Variants in TRPM3 observed in about 807,000 individuals in gnomAD.
The protein encoded by TRPM3 is long transient receptor potential channel 3.
TRPM3 carries 77 observed loss-of-function variants against 181.2 expected under a neutral mutation model. The ratio of observed to expected loss-of-function variants is 0.42; its 90% CI spans 0.35 to 0.51. TRPM3 has a LOEUF of 0.51. Among genes scored for constraint, TRPM3 ranks in the 20% least tolerant of loss-of-function variants. The pLI is 0.01. For missense variants in TRPM3, 1,759 were observed against 2,196.7 expected, an observed-to-expected ratio of 0.80 and a Z score of 3.98; for synonymous variants, 745 against 796.4, an observed-to-expected ratio of 0.94 and a Z score of 1.09.
intron 18 of TRPM3, among the ~76,000 whole-genome samples, chr9:70,613,328 C>CT (rs2062260079): frequency 6.6e-6 from 1 of 152,164 alleles, no homozygotes; most frequent in Non-Finnish European, 1.5e-5. Flanking sequence ...GATGTCAAGG[C>CT]TGAGAAAGTT....
intron 19 of TRPM3, among the ~76,000 whole-genome samples, chr9:70,606,651 G>GTGTGTATC (rs145779027): frequency 7.1e-6 from 1 of 140,682 alleles, no homozygotes; most frequent in East Asian, 2.1e-4. Context: ...GTGTGTGTGT[G>GTGTGTATC]TATATATATA....
At chr9:70,542,605 C>T (rs760467566) in intron 25 of TRPM3, among the ~76,000 whole-genome samples, 29 of 152,200 alleles carry the variant, frequency 1.9e-4, no homozygotes, top group Non-Finnish European at 3.8e-4. Flanking sequence ...AACATTTTGG[C>T]TTCCACATGC....
intron 1 of TRPM3, among the ~76,000 whole-genome samples, chr9:71,365,934 T>C (rs2132757444): frequency 6.6e-6 from 1 of 151,774 alleles, no homozygotes; most frequent in African/African-American, 2.4e-5. Context: ...ACATGATAAA[T>C]GACATGAAAC....
At chr9:71,103,642 G>T (rs1383674400) in intron 1 of TRPM3, among the ~76,000 whole-genome samples, 1 of 152,130 alleles carries the variant, frequency 6.6e-6, no homozygotes, top group Non-Finnish European at 1.5e-5. Context: ...GATTAAAGAA[G>T]TAAATGTGGA....
intron 1 of TRPM3, among the ~76,000 whole-genome samples, chr9:71,352,141 G>A (rs905537750): frequency 1.3e-5 from 2 of 152,080 alleles, no homozygotes; most frequent in Non-Finnish European, 2.9e-5. Flanking sequence ...TCCCAAAGTG[G>A]TGGGATTACA....
At chr9:70,700,335 A>G (rs1003409191) in intron 8 of TRPM3, among the ~76,000 whole-genome samples, 10 of 152,110 alleles carry the variant, frequency 6.6e-5, no homozygotes, top group Non-Finnish European at 1.5e-4. Context: ...GGGGAAAGTG[A>G]CAGGTTTATC....
In TRPM3 at chr9:70,625,559, C is replaced by T. The variant is rs766552398; in HGVS notation, c.1633-42G>A. 23 of 1,580,574 alleles carry T rather than the reference C, an allele frequency of 1.5e-5. No homozygotes were observed. Among genetic ancestry groups the T allele is most frequent in the South Asian group, 2.3e-5 (2 of 86,502 alleles). ...AAGTTAAATAAGAAGATGCAGTAATCGTCGGCAATAATAGAAAATCAAAAT... is the reference window on the plus strand; with the variant it reads ...AAGTTAAATAAGAAGATGCAGTAATTGTCGGCAATAATAGAAAATCAAAAT... On this transcript the variant is annotated intron_variant, in intron 12 of 25. Transcript: ENST00000677713. This position sits in a 1 kb window ranked among gnomAD's most constrained non-coding sequence, Gnocchi z 4.8.
chr9:70,752,049 T>TGTGTGTGTGTGC (rs1273744922), intron 8 of TRPM3, among the ~76,000 whole-genome samples: 9 of 116,432 alleles, frequency 7.7e-5, no homozygotes, highest in South Asian at 5.8e-4. Context: ...TGTGTGTGTG[T>TGTGTGTGTGTGC]GCGCGCGCGC....
At chr9:70,643,509 A>G (rs2058379340) in intron 9 of TRPM3, among the ~76,000 whole-genome samples, 1 of 152,238 alleles carries the variant, frequency 6.6e-6, no homozygotes, top group Admixed American at 6.5e-5. Context: ...ATGAGTCTTG[A>G]CTTTCAAAAA....
At position 70,990,427 on chromosome 9, in the gene TRPM3, A is replaced by T. The variant is rs17591873; in HGVS notation, c.178-125916T>A. 1.8e-3 allele frequency among the ~76,000 whole-genome samples: 272 copies of T among 152,302 alleles called. 1 individual carries two copies. The highest frequency in any genetic ancestry group is 2.9e-3 in the Non-Finnish European group (198 of 68,028). ...ACAATTCAATAAGTCACGGTAAAAC[A>T]AACAGTACAGTTTAAGAGTTTATAA... On this transcript the variant is annotated intron_variant, in intron 1 of 25. Transcript: ENST00000677713.
chr9:71,299,743 G>C (rs1166064300), intron 1 of TRPM3, among the ~76,000 whole-genome samples: 1 of 152,028 alleles, frequency 6.6e-6, no homozygotes, highest in Non-Finnish European at 1.5e-5. Flanking sequence ...TTTTCTGTTG[G>C]CTAACACCAT....
chr9:71,359,637 GTCTTT>G (rs1457661798), intron 1 of TRPM3, among the ~76,000 whole-genome samples: 1 of 151,648 alleles, frequency 6.6e-6, no homozygotes, highest in African/African-American at 2.4e-5. Context: ...TCTTTTCCCT[GTCTTT>G]TCTTAGTAAC....
chr9:71,398,480 T>A (rs2093254486), intron 1 of TRPM3, among the ~76,000 whole-genome samples: 1 of 152,180 alleles, frequency 6.6e-6, no homozygotes, highest in South Asian at 2.1e-4. Context: ...TGGGAGGTGA[T>A]TGGATCATGG....
chr9:71,439,482 T>C (rs17056816), intron 1 of TRPM3, among the ~76,000 whole-genome samples: 21,264 of 152,100 alleles, frequency 0.14, 1,772 homozygotes, highest in African/African-American at 0.23. Context: ...TGGAAGACAA[T>C]AAGATTCAGT....
At chr9:70,643,817 T>A (rs1210492052) in intron 9 of TRPM3, among the ~76,000 whole-genome samples, 1 of 152,266 alleles carries the variant, frequency 6.6e-6, no homozygotes, top group African/African-American at 2.4e-5. Context: ...AGTTCCCCAA[T>A]GATTCTAATG....
intron 1 of TRPM3, among the ~76,000 whole-genome samples, chr9:71,144,190 A>C (rs2075285176): frequency 6.6e-6 from 1 of 152,140 alleles, no homozygotes; most frequent in Non-Finnish European, 1.5e-5. Flanking sequence ...AAATTTCATA[A>C]GGTACATGAT....
intron 6 of TRPM3, chr9:70,826,062 A>C (rs1231230949): frequency 6.6e-6 from 1 of 152,256 alleles, no homozygotes; most frequent in Non-Finnish European, 1.5e-5. Flanking sequence ...CTTATTACCA[A>C]GTACTGAACT....
chr9:70,678,926 A>G (rs1302989631), intron 9 of TRPM3, among the ~76,000 whole-genome samples: 2 of 152,264 alleles, frequency 1.3e-5, no homozygotes, highest in Non-Finnish European at 2.9e-5. Flanking sequence ...AGCAACTGAG[A>G]GCATTTCAAA....
At chr9:71,387,036 A>C (rs1371986945) in intron 1 of TRPM3, among the ~76,000 whole-genome samples, 2 of 152,184 alleles carry the variant, frequency 1.3e-5, no homozygotes, top group East Asian at 3.8e-4. Flanking sequence ...CACTTATTAG[A>C]TAGTTATCTA....
Sources: gnomAD v4.1 joint callset for allele counts (sites outside exome capture counted in the v4.1 genomes callset) on GRCh38, gnomAD v4.1.1 for gene constraint, Gnocchi (gnomAD v3.1) non-coding constraint, MANE v1.5 for transcripts, NCBI Gene and HGNC (gene_info 2026-07-23, HGNC 2026-07-21) for gene names.